CARMIL1: variants seen among roughly 807,000 people sequenced by gnomAD.
The protein encoded by CARMIL1 is capping protein regulator and myosin 1 linker 1.
A neutral mutation model predicts 177.1 loss-of-function variants in CARMIL1; 90 were observed. The ratio of observed to expected loss-of-function variants is 0.51; its 90% confidence interval spans 0.43 to 0.61. The LOEUF (loss-of-function observed/expected upper bound fraction) is 0.61. Ranked by LOEUF, CARMIL1 falls within the 20% of genes least tolerant of loss-of-function variation. The pLI is 0.00. For synonymous variants in CARMIL1, 577 were observed against 606.2 expected (o/e 0.95, Z 0.71); for missense variants, 1,380 against 1,667.0 (o/e 0.83, Z 3.00).
intron 2 of CARMIL1, among the ~76,000 whole-genome samples, chr6:25,384,265 T>C (rs1470355857): frequency 1.3e-5 from 2 of 152,222 alleles, no homozygotes; most frequent in Non-Finnish European, 2.9e-5. Context: ...ACTGGCACCA[T>C]TGCCAACACA....
chr6:25,293,498 G>T (rs1782149990), intron 2 of CARMIL1, among the ~76,000 whole-genome samples: 1 of 151,870 alleles, frequency 6.6e-6, no homozygotes, highest in African/African-American at 2.4e-5. Flanking sequence ...AGATCCTCCT[G>T]TGTCAGCCTC....
In CARMIL1 at chr6:25,391,631, T is replaced by A. The variant is rs570719936; in HGVS notation, c.139-28483T>A. 2.0e-3 allele frequency among the ~76,000 whole-genome samples: 303 copies of A among 152,314 alleles called. 7 individuals carry two copies. In the South Asian group the frequency reaches 0.022, roughly 11 times the overall value. ...CATGTGGCTGTTTGAATTTAATAAA[T>A]TAATGACAGTGAGATATAATTAAAA... On this transcript the variant is annotated intron_variant, in intron 2 of 36. Coordinates refer to ENST00000329474, the MANE Select transcript of CARMIL1 (RefSeq NM_017640.6).
chr6:25,332,764 C>CACACACGCAT (rs755924131), intron 2 of CARMIL1, among the ~76,000 whole-genome samples: 16 of 145,966 alleles, frequency 1.1e-4, no homozygotes, highest in Non-Finnish European at 1.8e-4. Context: ...CACACACACA[C>CACACACGCAT]ACACACACGC....
intron 26 of CARMIL1, among the ~76,000 whole-genome samples, chr6:25,545,301 T>A (rs189630814): frequency 8.7e-4 from 132 of 152,174 alleles, no homozygotes; most frequent in South Asian, 8.5e-3. Context: ...CAGAATTGAA[T>A]CCCACCCAAA....
chr6:25,476,468 C>T (rs1160224165), intron 11 of CARMIL1, among the ~76,000 whole-genome samples: 2 of 152,182 alleles, frequency 1.3e-5, no homozygotes, highest in Non-Finnish European at 2.9e-5. Context: ...AGGCAACTGC[C>T]AACATTCATA....
chr6:25,303,022 TAG>T (rs1021606873), intron 2 of CARMIL1, among the ~76,000 whole-genome samples: 1 of 152,202 alleles, frequency 6.6e-6, no homozygotes, highest in Non-Finnish European at 1.5e-5. Flanking sequence ...CACGTCATTT[TAG>T]AGAGAGTGAT....
chr6:25,559,586 A>C (rs1391128741), intron 29 of CARMIL1, among the ~76,000 whole-genome samples: 1 of 152,142 alleles, frequency 6.6e-6, no homozygotes, highest in Non-Finnish European at 1.5e-5. Context: ...AGCACTGTTG[A>C]ATTTGATTGC....
At chr6:25,297,125 A>G (rs1332351444) in intron 2 of CARMIL1, among the ~76,000 whole-genome samples, 1 of 152,128 alleles carries the variant, frequency 6.6e-6, no homozygotes, top group Admixed American at 6.5e-5. Context: ...TCTTGGTCCA[A>G]TTTATATTCT....
intron 33 of CARMIL1, among the ~76,000 whole-genome samples, chr6:25,604,256 T>C (rs189006841): frequency 6.6e-6 from 1 of 152,160 alleles, no homozygotes; most frequent in Admixed American, 6.5e-5. Flanking sequence ...TTTTCTATTT[T>C]TTGCAGAGAT....
chr6:25,344,513 G>C (rs908452354), intron 2 of CARMIL1, among the ~76,000 whole-genome samples: 18 of 152,106 alleles, frequency 1.2e-4, no homozygotes, highest in African/African-American at 4.1e-4. Context: ...GAATACCACA[G>C]CACCATATTG....
At chr6:25,610,245 A>G in intron 36 of CARMIL1, 64 bp downstream of exon 36, 1 of 1,523,148 alleles carries the variant, frequency 6.6e-7, no homozygotes, top group South Asian at 1.3e-5. Context: ...ATTTCAAAAT[A>G]AAGGAACTCA....
At chr6:25,540,221 T>G in intron 26 of CARMIL1, 143 bp downstream of exon 26, 1 of 756,304 alleles carries the variant, frequency 1.3e-6, no homozygotes, top group East Asian at 3.5e-5. Flanking sequence ...TACTGTGTCT[T>G]TTCCAGCTTC....
At chr6:25,359,475 A>G (rs1289369839) in intron 2 of CARMIL1, among the ~76,000 whole-genome samples, 1 of 152,244 alleles carries the variant, frequency 6.6e-6, no homozygotes, top group East Asian at 1.9e-4. Context: ...ACAGGGCTCA[A>G]AGATAAATAA....
In CARMIL1 at chr6:25,326,342, C is replaced by T. The variant is rs757770501; in HGVS notation, c.138+41433C>T. ...CTAAAGAACCATGAGGCAAGAGCAT[C>T]GGGATATCCAAGAAGTCATGCTGGA... On this transcript the variant is annotated intron_variant, in intron 2 of 36. Coordinates refer to ENST00000329474, the MANE Select transcript of CARMIL1 (RefSeq NM_017640.6). This position sits in a 1 kb window ranked among gnomAD's most constrained non-coding sequence, Gnocchi z 4.2. 3.3e-5 allele frequency among the ~76,000 whole-genome samples: 5 copies of T among 152,076 alleles called. No individual in the cohort carries two copies. Among genetic ancestry groups the T allele is most frequent in the African/African-American group, 4.8e-5 (2 of 41,380 alleles).
chr6:25,459,210 T>TTTTCTTTCTTTC (rs5875042), intron 8 of CARMIL1, among the ~76,000 whole-genome samples: 6,029 of 80,114 alleles, frequency 0.075, 763 homozygotes, highest in Non-Finnish European at 0.086. Context: ...GATCCCAACT[T>TTTTCTTTCTTTC]TTTCTTTCTT....
intron 2 of CARMIL1, among the ~76,000 whole-genome samples, chr6:25,324,467 G>A (rs531183198): frequency 4.6e-5 from 7 of 151,784 alleles, no homozygotes; most frequent in African/African-American, 1.2e-4. Flanking sequence ...AATTCCTGAT[G>A]TCAGGAAATA....
chr6:25,406,873 A>G (rs1022528469), intron 2 of CARMIL1, among the ~76,000 whole-genome samples: 1 of 152,148 alleles, frequency 6.6e-6, no homozygotes, highest in African/African-American at 2.4e-5. Context: ...GGCTGTGCAT[A>G]AAGTTGGGAG....
At position 25,279,573 on chromosome 6, in the gene CARMIL1, T is replaced by A; in HGVS notation, c.-223T>A. On this transcript the variant is annotated 5_prime_UTR_variant, in exon 1 of 37. An upstream start codon of the reference 5' UTR is lost. Transcript: ENST00000329474. ...CGCCGGGAACTGCGAGGAGGCGTCA[T>A]GTAGCAGCAGCAGCAAATCCGCCTC... 3.4e-6 allele frequency: 2 copies of A among 589,694 alleles called. No individual in the cohort carries two copies. Among genetic ancestry groups the A allele is most frequent in the Non-Finnish European group, 6.1e-6 (2 of 329,816 alleles). The allele number at this position is 589,694 out of a possible 1,614,324, so 36.5% of individuals were successfully genotyped here.
At chr6:25,510,941 CT>C (rs1425463096) in intron 20 of CARMIL1, among the ~76,000 whole-genome samples, 179 bp downstream of exon 20, 1 of 116,986 alleles carries the variant, frequency 8.5e-6, no homozygotes, top group African/African-American at 3.4e-5. Context: ...TATTTAAAAA[CT>C]TTTTTTACTT....
Sources: gnomAD v4.1 joint callset for allele counts (sites outside exome capture counted in the v4.1 genomes callset) on GRCh38, gnomAD v4.1.1 for gene constraint, Gnocchi (gnomAD v3.1) non-coding constraint, MANE v1.5 for transcripts, NCBI Gene and HGNC (gene_info 2026-07-23, HGNC 2026-07-21) for gene names.